Variants in MGST1 observed in about 807,000 individuals in gnomAD.
MGST1 encodes microsomal glutathione S-transferase 1, also known as glutathione S-transferase 12.
In MGST1, 5 loss-of-function variants were observed where a neutral mutation model predicts 8.9. The ratio of observed to expected loss-of-function variants is 0.56; its 90% CI spans 0.29 to 1.19. The LOEUF (loss-of-function observed/expected upper bound fraction) is 1.19. MGST1 is among the 50% of genes most tolerant of loss of function. The probability of loss-of-function intolerance (pLI) is 0.08; values close to 1 mark genes in which losing one functional copy is unlikely to be tolerated. For missense variants in MGST1, 182 were observed against 187.4 expected (o/e 0.97, Z 0.17); for synonymous variants, 54 against 67.8 (o/e 0.80, Z 1.00).
At chr12:16,554,725 G>A (rs1284607625) in intron 4 of MGST1, among the ~76,000 whole-genome samples, 1 of 152,108 alleles carries the variant, frequency 6.6e-6, no homozygotes, top group Non-Finnish European at 1.5e-5. Context: ...CTCCGGAGAG[G>A]GAGACCAGAT....
chr12:16,428,383 A>G (rs911007602), intron 1 of MGST1, among the ~76,000 whole-genome samples: 4 of 151,842 alleles, frequency 2.6e-5, no homozygotes, highest in African/African-American at 9.7e-5. Context: ...AATGAGTAGG[A>G]CAGAGTAACA....
intron 4 of MGST1, among the ~76,000 whole-genome samples, chr12:16,487,795 CACA>C (rs1941409664): frequency 6.6e-6 from 1 of 152,040 alleles, no homozygotes; most frequent in Non-Finnish European, 1.5e-5. Context: ...TACAGGTGTG[CACA>C]ACCACACCTG....
Position 16,513,764 on chromosome 12 carries a change from CTG to C in MGST1, n.483-75761_483-75760del. 1.7e-6 allele frequency: 1 copy of C among 582,200 alleles called. No individual in the cohort carries two copies. The highest frequency in any genetic ancestry group is 1.4e-5 in the South Asian group (1 of 71,752). The allele number at this position is 582,200 out of a possible 1,614,324, so 36.1% of individuals were successfully genotyped here. ...GTCTCGAAAAGTGGCCGGTTTGTCACTGTGCAGACCATTTCTGGAACTAGTGC... is the reference window on the plus strand; with the variant it reads ...GTCTCGAAAAGTGGCCGGTTTGTCACTGCAGACCATTTCTGGAACTAGTGC... On this transcript the variant is annotated intron_variant and non_coding_transcript_variant, in intron 4 of 4. Transcript: ENST00000538857. The surrounding 1 kb of genome is among the most constrained non-coding windows in gnomAD (Gnocchi z 4.2).
chr12:16,452,284 G>A (rs1309785790), intron 4 of MGST1, among the ~76,000 whole-genome samples: 3 of 151,508 alleles, frequency 2.0e-5, no homozygotes, highest in Non-Finnish European at 2.9e-5. Flanking sequence ...CTTGTCCTAA[G>A]AGAACCCTAT....
chr12:16,491,134 T>A (rs1489488731), intron 4 of MGST1, among the ~76,000 whole-genome samples: 1 of 152,208 alleles, frequency 6.6e-6, no homozygotes, highest in Non-Finnish European at 1.5e-5. Flanking sequence ...GGTATAATTA[T>A]TTTGAAAGGC....
At chr12:16,572,286 A>G (rs1238923510) in intron 4 of MGST1, among the ~76,000 whole-genome samples, 1 of 151,228 alleles carries the variant, frequency 6.6e-6, no homozygotes, top group Admixed American at 6.6e-5. Flanking sequence ...ATATGTTCAC[A>G]TACAATATTG....
chr12:16,592,506 T>A (rs1446969148), downstream of MGST1, among the ~76,000 whole-genome samples: 1 of 152,004 alleles, frequency 6.6e-6, no homozygotes, highest in African/African-American at 2.4e-5. Flanking sequence ...ACCTGTAAAA[T>A]GCAAATAACC....
At chr12:16,433,375 A>G (rs901885667) in intron 1 of MGST1, among the ~76,000 whole-genome samples, 1 of 152,006 alleles carries the variant, frequency 6.6e-6, no homozygotes, top group Non-Finnish European at 1.5e-5. Flanking sequence ...GCATCCTTCA[A>G]TCCAATCAAG....
At chr12:16,538,926 G>C (rs1941775540) in intron 4 of MGST1, among the ~76,000 whole-genome samples, 1 of 152,080 alleles carries the variant, frequency 6.6e-6, no homozygotes, top group Non-Finnish European at 1.5e-5. Context: ...CTTCTTACAT[G>C]GCAGTGGCAA....
intron 1 of MGST1, among the ~76,000 whole-genome samples, chr12:16,391,190 C>T (rs1383414668): frequency 1.3e-5 from 2 of 148,844 alleles, no homozygotes; most frequent in Non-Finnish European, 3.0e-5. Flanking sequence ...ATGTGCAGAA[C>T]GAGCAGGTTT....
intron 4 of MGST1, among the ~76,000 whole-genome samples, chr12:16,570,456 A>G (rs776408231): frequency 1.2e-4 from 19 of 152,300 alleles, no homozygotes; most frequent in Admixed American, 3.3e-4. Context: ...AATTTTCAAC[A>G]GAAAAGAAAA....
downstream of MGST1, among the ~76,000 whole-genome samples, chr12:16,381,070 T>C (rs1940448937): frequency 1.3e-5 from 2 of 152,226 alleles, no homozygotes; most frequent in Admixed American, 1.3e-4. Context: ...TACAGCACAC[T>C]GATGTGTCTT....
At chr12:16,493,925 C>T (rs1335676027) in intron 4 of MGST1, among the ~76,000 whole-genome samples, 1 of 152,014 alleles carries the variant, frequency 6.6e-6, no homozygotes, top group Admixed American at 6.6e-5. Flanking sequence ...AGAAGAGAAC[C>T]TTTATAGATT....
chr12:16,531,472 G>C (rs1941723599), intron 4 of MGST1, among the ~76,000 whole-genome samples: 1 of 152,036 alleles, frequency 6.6e-6, no homozygotes, highest in Admixed American at 6.6e-5. Flanking sequence ...GTGCAAAGAA[G>C]AAGTGAAATT....
At chr12:16,450,810 G>A (rs549750216) in intron 4 of MGST1, among the ~76,000 whole-genome samples, 7 of 150,646 alleles carry the variant, frequency 4.6e-5, no homozygotes, top group African/African-American at 1.5e-4. Context: ...GTAGGAGGCG[G>A]TTAGGATGGT....
intron 1 of MGST1, among the ~76,000 whole-genome samples, chr12:16,405,821 G>A (rs371571159): frequency 7.6e-4 from 116 of 152,136 alleles, no homozygotes; most frequent in African/African-American, 2.7e-3. Context: ...CAGTAAGATC[G>A]TCTAAATAGA....
intron 1 of MGST1, among the ~76,000 whole-genome samples, chr12:16,432,679 GACACACACACACACACACAC>G (rs36054419): frequency 5.3e-4 from 66 of 124,392 alleles, no homozygotes; most frequent in East Asian, 4.1e-3. Flanking sequence ...CTCTCTCTCT[GACACACACACACACACACAC>G]ACACACACAC....
rs1042449411 is a variant in MGST1 at position 16,490,501 on chromosome 12, A to G, written n.483-99027A>G. Among the ~76,000 whole-genome samples the G allele has an allele frequency of 5.9e-5, 9 of 152,228 alleles. 1 individual carries two copies. The highest frequency in any genetic ancestry group is 9.6e-5 in the African/African-American group (4 of 41,466). ...TTTGCAGGTTGTTTTTTTACAAAGC[A>G]TAACTCAGCAAATGCTGACTGCTAT... On this transcript the variant is annotated intron_variant and non_coding_transcript_variant, in intron 4 of 4. Transcript: ENST00000538857.
intron 4 of MGST1, among the ~76,000 whole-genome samples, chr12:16,580,451 T>C (rs188124371): frequency 1.3e-5 from 2 of 152,336 alleles, no homozygotes; most frequent in Admixed American, 1.3e-4. Flanking sequence ...TGTTCAAGAT[T>C]AAGAGAAACT....
Sources: allele counts gnomAD v4.1 joint callset (sites outside exome capture counted in the v4.1 genomes callset), GRCh38; gene constraint gnomAD v4.1.1; non-coding constraint Gnocchi (gnomAD v3.1); transcripts MANE v1.5; gene names NCBI Gene and HGNC (gene_info 2026-07-23, HGNC 2026-07-21).